The following SMARCAD1 variants were observed in gnomAD, a reference collection of about 807,000 sequenced individuals.
SMARCAD1 encodes SNF2 related chromatin remodeling ATPase with DExD box 1.
SMARCAD1 carries 25 observed loss-of-function variants against 127.1 expected under a neutral mutation model. The observed-to-expected ratio is 0.20, with a 90% CI of 0.14 to 0.27. The LOEUF is 0.27. Among genes scored for constraint, SMARCAD1 ranks in the 10% least tolerant of loss-of-function variants. The probability of loss-of-function intolerance (pLI) is 1.00; values close to 1 mark genes in which losing one functional copy is unlikely to be tolerated. For synonymous variants in SMARCAD1, 400 were observed against 396.9 expected, an observed-to-expected ratio of 1.01 and a Z score of -0.09; for missense variants, 807 against 1,206.0, an observed-to-expected ratio of 0.67 and a Z score of 4.90.
chr4:94,233,937 T>A lies in SMARCAD1; in HGVS notation c.369-17T>A. On this transcript the variant is annotated splice_polypyrimidine_tract_variant and intron_variant, in intron 3 of 23. Coordinates refer to ENST00000354268, the MANE Select transcript of SMARCAD1 (RefSeq NM_020159.5). The stretch of plus-strand genomic sequence containing the variant: ...ATACATTAAAAATGTTTTTTGCTCC[T>A]CTAAAAATATTTTTAGTTCTGAGCC... 3.1e-6 allele frequency: 5 copies of A among 1,612,938 alleles called. No homozygotes were observed. Among genetic ancestry groups the A allele is most frequent in the Non-Finnish European group, 4.2e-6 (5 of 1,179,216 alleles).
intron 3 of SMARCAD1, among the ~76,000 whole-genome samples, chr4:94,226,862 T>C (rs1378622730): frequency 2.6e-5 from 4 of 151,204 alleles, no homozygotes. Context: ...GGGAATCGTT[T>C]CTTTTTTTTT....
intron 4 of SMARCAD1, among the ~76,000 whole-genome samples, chr4:94,235,229 C>CTTTTTTTTT (rs35123705): frequency 2.5e-5 from 1 of 39,304 alleles, no homozygotes; most frequent in African/African-American, 1.0e-4. Context: ...ACCACCAATC[C>CTTTTTTTTT]TTTTTTTTTT....
chr4:94,254,372 G>T (rs185889789), intron 9 of SMARCAD1, among the ~76,000 whole-genome samples: 1 of 152,144 alleles, frequency 6.6e-6, no homozygotes, highest in African/African-American at 2.4e-5. Flanking sequence ...GGCTTGTTGA[G>T]ATTCTAATTT....
intron 3 of SMARCAD1, among the ~76,000 whole-genome samples, chr4:94,233,415 G>A (rs189978392): frequency 5.3e-5 from 8 of 152,304 alleles, no homozygotes; most frequent in Admixed American, 1.3e-4. Context: ...AGTTGTTGGA[G>A]AATAAACCCT....
At chr4:94,288,171 G>T (rs1276282241) in intron 23 of SMARCAD1, among the ~76,000 whole-genome samples, 1 of 151,876 alleles carries the variant, frequency 6.6e-6, no homozygotes, top group Non-Finnish European at 1.5e-5. Context: ...CTCAAAGTTG[G>T]TACAATACCA....
Position 94,277,057 on chromosome 4 carries a change from A to T in SMARCAD1, c.1980A>T (p.Val660=). The T allele has an allele frequency of 6.2e-7, 1 of 1,614,090 alleles. No homozygotes were observed. The highest frequency in any genetic ancestry group is 8.5e-7 in the Non-Finnish European group (1 of 1,179,970). ...GTTTGCTGCTCACAGGCACACCTGT[A>T]CAGAACAATCTGTTAGAACTCATGT... The part of the protein sequence containing the change: ...NNRLLLTGTP[V]QNNLLELMSL... Residue 660 remains valine, a synonymous_variant, in exon 16 of 24, where the codon GTA becomes GTT. Transcript: ENST00000354268.
chr4:94,288,779 C>T (rs1472650799), intron 23 of SMARCAD1, among the ~76,000 whole-genome samples: 3 of 152,094 alleles, frequency 2.0e-5, no homozygotes, highest in Non-Finnish European at 2.9e-5. Flanking sequence ...GTGCTGTTGT[C>T]ACTAACTAGT....
intron 6 of SMARCAD1, among the ~76,000 whole-genome samples, chr4:94,247,604 A>T (rs192950179): frequency 6.6e-6 from 1 of 152,186 alleles, no homozygotes; most frequent in Non-Finnish European, 1.5e-5. Context: ...ACAGTGTTGT[A>T]TACCATCATT....
At chr4:94,220,177 A>C (rs1743879745) in intron 2 of SMARCAD1, among the ~76,000 whole-genome samples, 1 of 152,234 alleles carries the variant, frequency 6.6e-6, no homozygotes, top group Admixed American at 6.5e-5. Flanking sequence ...AGTGTTCAGC[A>C]CTATTCTAAT....
intron 2 of SMARCAD1, among the ~76,000 whole-genome samples, chr4:94,212,363 C>T (rs1416254357): frequency 6.6e-6 from 1 of 151,756 alleles, no homozygotes; most frequent in African/African-American, 2.4e-5. Flanking sequence ...TCTGTAGAGA[C>T]GGCATTTCGC....
intron 3 of SMARCAD1, among the ~76,000 whole-genome samples, chr4:94,232,267 A>G (rs1448829236): frequency 6.6e-6 from 1 of 152,196 alleles, no homozygotes; most frequent in Admixed American, 6.5e-5. Context: ...CAGCATCAAT[A>G]TTTATTACAT....
chr4:94,230,962 A>G lies in SMARCAD1; in HGVS notation c.369-2992A>G, dbSNP rs565464525. Among the ~76,000 whole-genome samples, 25 of 152,338 alleles carry G rather than the reference A, an allele frequency of 1.6e-4. No individual in the cohort carries two copies. The South Asian group carries it at 5.2e-3, about 32-fold the overall frequency. On this transcript the variant is annotated intron_variant, in intron 3 of 23. Coordinates refer to ENST00000354268, the MANE Select transcript of SMARCAD1 (RefSeq NM_020159.5). ...TCAAGGATATGTTTGTCAACAATGT[A>G]CAGGACAACACAGGAAAACTTAGAT...
chr4:94,233,275 C>T (rs1301020565), intron 3 of SMARCAD1, among the ~76,000 whole-genome samples: 4 of 152,078 alleles, frequency 2.6e-5, no homozygotes. Flanking sequence ...CTCTAGAGTG[C>T]CTACCATGTT....
intron 10 of SMARCAD1, among the ~76,000 whole-genome samples, chr4:94,268,120 C>T (rs1282581754): frequency 2.0e-5 from 3 of 152,124 alleles, no homozygotes; most frequent in East Asian, 1.9e-4. Context: ...AACATATATA[C>T]ACATTAATAC....
At chr4:94,286,970 T>C (rs1755028799) in intron 23 of SMARCAD1, among the ~76,000 whole-genome samples, 1 of 152,174 alleles carries the variant, frequency 6.6e-6, no homozygotes. Flanking sequence ...GTTCACACCA[T>C]TCTCCTGCCT....
At chr4:94,231,180 T>C (rs954667256) in intron 3 of SMARCAD1, among the ~76,000 whole-genome samples, 5 of 152,190 alleles carry the variant, frequency 3.3e-5, no homozygotes, top group African/African-American at 1.2e-4. Flanking sequence ...TTTGTTTTTT[T>C]TCTTGCTGCT....
intron 12 of SMARCAD1, among the ~76,000 whole-genome samples, chr4:94,274,280 G>A (rs1752951964): frequency 6.6e-6 from 1 of 151,778 alleles, no homozygotes; most frequent in East Asian, 1.9e-4. Flanking sequence ...TATTGTAAAG[G>A]GTCTGTGATA....
intron 11 of SMARCAD1, among the ~76,000 whole-genome samples, chr4:94,271,184 C>T (rs570798686): frequency 9.2e-5 from 14 of 152,284 alleles, no homozygotes; most frequent in Non-Finnish European, 1.8e-4. Context: ...TACATGTGTA[C>T]GTACATACAT....
intron 8 of SMARCAD1, among the ~76,000 whole-genome samples, chr4:94,252,328 A>G (rs1274561169): frequency 1.3e-5 from 2 of 152,178 alleles, no homozygotes; most frequent in African/African-American, 4.8e-5. Context: ...AATATCTGAG[A>G]CATCATACAG....
Sources: allele counts gnomAD v4.1 joint callset (sites outside exome capture counted in the v4.1 genomes callset), GRCh38; gene constraint gnomAD v4.1.1; transcripts MANE v1.5; gene names NCBI Gene and HGNC (gene_info 2026-07-23, HGNC 2026-07-21).